Variants in TMEM132C observed in about 807,000 individuals in gnomAD.
The protein encoded by TMEM132C is protein phosphatase 1, regulatory subunit 152.
In TMEM132C, 29 loss-of-function variants were observed where a neutral mutation model predicts 61.4. The observed-to-expected ratio is 0.47, with a 90% CI of 0.35 to 0.64. The LOEUF is 0.64. Ranked by LOEUF, TMEM132C falls within the 30% of genes least tolerant of loss-of-function variation. The probability of loss-of-function intolerance (pLI) is 0.00; values close to 1 mark genes in which losing one functional copy is unlikely to be tolerated. For synonymous variants in TMEM132C, 656 were observed against 633.1 expected, an observed-to-expected ratio of 1.04 and a Z score of -0.54; for missense variants, 1,408 against 1,476.9, an observed-to-expected ratio of 0.95 and a Z score of 0.76.
chr12:128,393,858 G>A (rs74370045), intron 1 of TMEM132C, among the ~76,000 whole-genome samples: 8,711 of 152,286 alleles, frequency 0.057, 368 homozygotes, highest in Middle Eastern at 0.12. Flanking sequence ...CTCCTTTTAA[G>A]GTGCTATCCT....
chr12:128,500,362 T>G (rs548166119), intron 2 of TMEM132C, among the ~76,000 whole-genome samples: 19 of 152,224 alleles, frequency 1.2e-4, no homozygotes, highest in Middle Eastern at 3.4e-3. Context: ...CATTAAAATT[T>G]TTTTAATTGT....
chr12:128,654,692 GTACTCTGC>G (rs1487223358), intron 4 of TMEM132C, among the ~76,000 whole-genome samples: 1 of 152,140 alleles, frequency 6.6e-6, no homozygotes, highest in Non-Finnish European at 1.5e-5. Flanking sequence ...GCACCCTGCT[GTACTCTGC>G]TACAGAATGC....
In TMEM132C at chr12:128,431,080, T is replaced by G. The variant is rs139046174; in HGVS notation, c.974+15460T>G. On this transcript the variant is annotated intron_variant, in intron 2 of 8. Transcript: ENST00000435159. The stretch of plus-strand genomic sequence containing the variant: ...CAAAGGCTAGGCCTCTTATGCCAGT[T>G]ACCCAAGTTGCGAACGCAAAGGAAA... Among the ~76,000 whole-genome samples the G allele has an allele frequency of 5.2e-3, 789 of 152,318 alleles. 8 individuals are homozygous for G. The highest frequency in any genetic ancestry group is 0.018 in the African/African-American group (758 of 41,572).
chr12:128,649,721 G>A (rs1194246700), intron 4 of TMEM132C, among the ~76,000 whole-genome samples: 1 of 152,176 alleles, frequency 6.6e-6, no homozygotes, highest in Non-Finnish European at 1.5e-5. Context: ...CCATTTCTCA[G>A]GCAAGTTGGT....
intron 2 of TMEM132C, among the ~76,000 whole-genome samples, chr12:128,493,662 G>A (rs973503962): frequency 6.6e-6 from 1 of 152,106 alleles, no homozygotes; most frequent in African/African-American, 2.4e-5. Flanking sequence ...GTCTGTTATT[G>A]GTGTATAAGA....
chr12:128,615,050 A>C (rs1034457987), intron 3 of TMEM132C, among the ~76,000 whole-genome samples: 3 of 152,240 alleles, frequency 2.0e-5, no homozygotes, highest in African/African-American at 7.2e-5. Flanking sequence ...CTGCTGCTCT[A>C]GAACCCACTT....
At chr12:128,407,928 C>T (rs1326394991) in intron 1 of TMEM132C, among the ~76,000 whole-genome samples, 1 of 146,308 alleles carries the variant, frequency 6.8e-6, no homozygotes, top group African/African-American at 2.5e-5. Context: ...ATATCTAGAT[C>T]AACAGGTCTC....
chr12:128,409,306 T>C (rs1868441424), intron 1 of TMEM132C, among the ~76,000 whole-genome samples: 1 of 152,168 alleles, frequency 6.6e-6, no homozygotes, highest in Admixed American at 6.5e-5. Flanking sequence ...TGCTGCACTT[T>C]CCTACCTTGG....
At chr12:128,698,097 C>T (rs1037894032) in intron 8 of TMEM132C, among the ~76,000 whole-genome samples, 22 of 152,298 alleles carry the variant, frequency 1.4e-4, no homozygotes, top group East Asian at 7.7e-4. Flanking sequence ...CCCTGTTCAT[C>T]GCTCTATCCC....
intron 7 of TMEM132C, among the ~76,000 whole-genome samples, chr12:128,696,351 C>T (rs552767537): frequency 1.3e-5 from 2 of 152,272 alleles, no homozygotes; most frequent in Admixed American, 6.5e-5. Context: ...ATTCCCACCA[C>T]CTCCCAGCAC....
chr12:128,376,194 A>G (rs895014477), intron 1 of TMEM132C, among the ~76,000 whole-genome samples: 5 of 152,382 alleles, frequency 3.3e-5, no homozygotes, highest in African/African-American at 1.2e-4. Context: ...AGTAAACCAA[A>G]GAAATACTGC....
At chr12:128,364,748 T>C (rs1873811135) in intron 1 of TMEM132C, among the ~76,000 whole-genome samples, 1 of 152,170 alleles carries the variant, frequency 6.6e-6, no homozygotes, top group African/African-American at 2.4e-5. Context: ...TACCATGGCC[T>C]GAGGGACACA....
intron 4 of TMEM132C, among the ~76,000 whole-genome samples, chr12:128,623,818 A>G (rs1247088625): frequency 6.6e-6 from 1 of 152,134 alleles, no homozygotes; most frequent in Non-Finnish European, 1.5e-5. Flanking sequence ...AAAAAAAAAA[A>G]TGATGATATA....
At chr12:128,592,208 G>A (rs536169100) in intron 3 of TMEM132C, among the ~76,000 whole-genome samples, 86 of 152,334 alleles carry the variant, frequency 5.6e-4, no homozygotes, top group African/African-American at 1.9e-3. Context: ...ACCCTGACAC[G>A]GAGGCTGCGC....
intron 1 of TMEM132C, among the ~76,000 whole-genome samples, chr12:128,404,021 G>GAAACAT (rs1565926064): frequency 2.0e-5 from 3 of 152,092 alleles, no homozygotes; most frequent in Non-Finnish European, 4.4e-5. Context: ...ACCATCCCTG[G>GAAACAT]CTCCTACCGA....
intron 1 of TMEM132C, among the ~76,000 whole-genome samples, chr12:128,321,548 A>T (rs1438806196): frequency 6.6e-6 from 1 of 151,902 alleles, no homozygotes; most frequent in Non-Finnish European, 1.5e-5. Flanking sequence ...GTAGATAGAA[A>T]TCTCTGTATC....
intron 5 of TMEM132C, among the ~76,000 whole-genome samples, chr12:128,680,804 CT>C (rs747391108): frequency 6.6e-6 from 1 of 152,170 alleles, no homozygotes; most frequent in Non-Finnish European, 1.5e-5. Context: ...TAATAAAAGA[CT>C]TTTATGGAAC....
chr12:128,423,882 A>G (rs73159850), intron 2 of TMEM132C, among the ~76,000 whole-genome samples: 3,427 of 151,464 alleles, frequency 0.023, 55 homozygotes, highest in Middle Eastern at 0.051. Flanking sequence ...AAAGAAAGAA[A>G]GAAAGGGAAA....
chr12:128,669,566 T>A lies in TMEM132C; in HGVS notation c.1449+6T>A. The stretch of plus-strand genomic sequence containing the variant: ...CAGACGAGGACGTTATCAAAGTAAG[T>A]CATTCCACAGCCAGCTGGATGGAAC... On this transcript the variant is annotated splice_donor_region_variant and intron_variant, in intron 5 of 8. Coordinates refer to ENST00000435159, the MANE Select transcript of TMEM132C (RefSeq NM_001136103.3). 1 of 1,551,052 alleles carries A rather than the reference T, an allele frequency of 6.4e-7. No homozygotes were observed. The highest frequency in any genetic ancestry group is 1.2e-5 in the South Asian group (1 of 83,840).
Sources: allele counts gnomAD v4.1 joint callset (sites outside exome capture counted in the v4.1 genomes callset), GRCh38; gene constraint gnomAD v4.1.1; transcripts MANE v1.5; gene names NCBI Gene and HGNC (gene_info 2026-07-23, HGNC 2026-07-21).